The following ZNF678 variants were observed in gnomAD, a reference collection of about 807,000 sequenced individuals.
ZNF678 encodes the protein hypothetical protein MGC42493.
A neutral mutation model predicts 3.0 loss-of-function variants in ZNF678; 5 were observed. The ratio of observed to expected loss-of-function variants is 1.69; its 90% CI spans 0.88 to 3.56. ZNF678 has a LOEUF of 3.56. ZNF678 is among the 30% of genes most tolerant of loss of function. ZNF678 has a pLI of 0.00. For synonymous variants in ZNF678, 218 were observed against 199.6 expected (o/e 1.09, Z -0.78); for missense variants, 593 against 605.0 (o/e 0.98, Z 0.21).
chr1:227,567,467 G>T (rs1656720783), intron 1 of ZNF678, among the ~76,000 whole-genome samples: 2 of 152,140 alleles, frequency 1.3e-5, no homozygotes, highest in Admixed American at 6.5e-5. Context: ...CTCCTCTGCA[G>T]GTGTCCCAGC....
At chr1:227,646,996 A>G (rs61824942) in intron 2 of ZNF678, among the ~76,000 whole-genome samples, 3 of 152,156 alleles carry the variant, frequency 2.0e-5, no homozygotes, top group Non-Finnish European at 2.9e-5. Context: ...TGGAGCTGAG[A>G]ACCTATATGT....
intron 1 of ZNF678, among the ~76,000 whole-genome samples, chr1:227,619,291 C>G (rs1658215198): frequency 6.6e-6 from 1 of 152,160 alleles, no homozygotes; most frequent in Non-Finnish European, 1.5e-5. Context: ...TAAAATGTTT[C>G]TGTTGAATTG....
At chr1:227,576,353 A>G (rs1000976186) in intron 1 of ZNF678, among the ~76,000 whole-genome samples, 1 of 152,214 alleles carries the variant, frequency 6.6e-6, no homozygotes, top group African/African-American at 2.4e-5. Context: ...CATCTGGTAG[A>G]ATTCAGCTGT....
intron 1 of ZNF678, among the ~76,000 whole-genome samples, chr1:227,595,242 G>A (rs1030441187): frequency 7.3e-6 from 1 of 137,370 alleles, no homozygotes; most frequent in African/African-American, 2.8e-5. Flanking sequence ...CTTTCCTTTT[G>A]CCTCTGTCTC....
At chr1:227,612,251 G>C (rs1658038858) in intron 1 of ZNF678, among the ~76,000 whole-genome samples, 1 of 152,164 alleles carries the variant, frequency 6.6e-6, no homozygotes, top group Non-Finnish European at 1.5e-5. Flanking sequence ...ACTAGGTCAT[G>C]AGGTTGGTTC....
At position 227,654,875 on chromosome 1, in the gene ZNF678, T is replaced by C. The variant is rs376634036; in HGVS notation, c.625T>C (p.Tyr209His). 19 of 1,608,722 alleles carry C rather than the reference T, an allele frequency of 1.2e-5. No homozygotes were observed. In the Admixed American group the frequency reaches 1.2e-4, roughly 10 times the overall value. Residue 209 changes from tyrosine to histidine, a missense_variant, in exon 4 of 4, where the codon TAC becomes CAC. Physicochemically the swap from Tyr to His is moderately conservative, Grantham distance 83 (BLOSUM62 2). Transcript: ENST00000343776. ...GAAAATTCATAGTGGAGAGAAACCA[T>C]ACCCATGTGAAGAATGTGGCAAAGC... The part of the protein sequence containing the change: ...HKKIHSGEKP[Y>H]PCEECGKAFT...
At chr1:227,662,986 A>G (rs1485676965), downstream of ZNF678, among the ~76,000 whole-genome samples, 2 of 152,178 alleles carry the variant, frequency 1.3e-5, no homozygotes, top group African/African-American at 2.4e-5. Context: ...TATAGAGGTA[A>G]TTAAGGTTAA....
chr1:227,599,177 C>A, intron 1 of ZNF678: 2 of 1,165,646 alleles, frequency 1.7e-6, no homozygotes, highest in South Asian at 2.5e-5. Context: ...TTTTCTTGTT[C>A]AAATAACCTT....
At chr1:227,629,921 A>C (rs1222948394) in intron 1 of ZNF678, among the ~76,000 whole-genome samples, 3 of 151,648 alleles carry the variant, frequency 2.0e-5, no homozygotes, top group African/African-American at 7.3e-5. Flanking sequence ...CACTTGCCTG[A>C]GGGCCATGAC....
chr1:227,648,393 T>G lies in ZNF678; in HGVS notation c.-37+1723T>G, dbSNP rs567344398. ...ATTATGTATGTCCAACATAAAAATT[T>G]GATGTGTACACATTGTACTATAATT... On this transcript the variant is annotated intron_variant, in intron 2 of 3. Coordinates refer to ENST00000343776, the MANE Select transcript of ZNF678 (RefSeq NM_001367909.1). Among the ~76,000 whole-genome samples, 10 of 152,358 alleles carry G rather than the reference T, an allele frequency of 6.6e-5. No homozygotes were observed. The South Asian group carries it at 2.1e-3, about 32-fold the overall frequency.
In ZNF678 at chr1:227,565,008, C is replaced by G. The variant is rs149174402; in HGVS notation, c.-164+1284C>G. ...TTGGCCTCCCAAAGTGCTGGGATTA[C>G]AGGCGTGAGCCACCACGCCTGGCCT... On this transcript the variant is annotated intron_variant, in intron 1 of 3. Coordinates refer to ENST00000343776, the MANE Select transcript of ZNF678 (RefSeq NM_001367909.1). Among the ~76,000 whole-genome samples the G allele has an allele frequency of 8.2e-3, 1,197 of 146,778 alleles. 20 individuals are homozygous for G. The highest frequency in any genetic ancestry group is 0.028 in the African/African-American group (1,142 of 40,136).
chr1:227,584,371 C>T (rs1657206814), intron 1 of ZNF678, among the ~76,000 whole-genome samples: 1 of 152,106 alleles, frequency 6.6e-6, no homozygotes, highest in Admixed American at 6.5e-5. Flanking sequence ...CCTCTCAAAC[C>T]ATTAATATTT....
In ZNF678 at chr1:227,659,815, A is replaced by C. The variant is rs942678955; in HGVS notation, c.*3987A>C. The C allele has an allele frequency of 1.3e-5, 2 of 152,014 alleles. No homozygotes were observed. Among genetic ancestry groups the C allele is most frequent in the East Asian group, 1.9e-4 (1 of 5,190 alleles). The allele number at this position is 152,014 out of a possible 1,614,324, so 9.4% of individuals were successfully genotyped here. ...ATGTTTGAAATGCTTAATTCTAGCC[A>C]ATTAAAAATGCTTTACCTCAATAGT... On this transcript the variant is annotated 3_prime_UTR_variant, in exon 4 of 4. Transcript: ENST00000343776.
chr1:227,635,445 C>T lies in ZNF678; in HGVS notation c.-163-11099C>T, dbSNP rs12137233. The stretch of plus-strand genomic sequence containing the variant: ...GTATTTCTTTTGAATATAGGCAGTT[C>T]AGTTTTTTGTTGACTATAGCCAAAA... On this transcript the variant is annotated intron_variant, in intron 1 of 3. Coordinates refer to ENST00000343776, the MANE Select transcript of ZNF678 (RefSeq NM_001367909.1). 1.1e-4 allele frequency among the ~76,000 whole-genome samples: 17 copies of T among 151,042 alleles called. No individual in the cohort carries two copies. The East Asian group carries it at 2.9e-3, about 26-fold the overall frequency.
chr1:227,667,247 G>T (rs1659519104), downstream of ZNF678, among the ~76,000 whole-genome samples: 1 of 151,864 alleles, frequency 6.6e-6, no homozygotes, highest in African/African-American at 2.4e-5. Context: ...TGTTGCCCAG[G>T]CTGGTCTCAA....
intron 1 of ZNF678, among the ~76,000 whole-genome samples, chr1:227,627,818 GTCCTT>G (rs1658453824): frequency 6.6e-6 from 1 of 152,198 alleles, no homozygotes; most frequent in South Asian, 2.1e-4. Flanking sequence ...GCCTTTCGAA[GTCCTT>G]TTTCTACAAA....
intron 1 of ZNF678, among the ~76,000 whole-genome samples, chr1:227,611,094 A>G (rs926613365): frequency 6.6e-6 from 1 of 152,170 alleles, no homozygotes; most frequent in African/African-American, 2.4e-5. Flanking sequence ...GGTGCAGTTC[A>G]CTTTTACTTT....
chr1:227,654,237 C>T (rs1659156577), intron 3 of ZNF678, 99 bp from the exon 4 acceptor site: 1 of 959,354 alleles, frequency 1.0e-6, no homozygotes, highest in Admixed American at 3.5e-5. Context: ...ATTATGCCAT[C>T]TTGTTAATGT....
intron 5 of ZNF678, among the ~76,000 whole-genome samples, chr1:227,672,581 C>T (rs1215228236): frequency 6.6e-6 from 1 of 152,148 alleles, no homozygotes; most frequent in East Asian, 1.9e-4. Context: ...TCAGGTCGGT[C>T]TGGTTCCCTT....
Sources: allele counts gnomAD v4.1 joint callset (sites outside exome capture counted in the v4.1 genomes callset), GRCh38; gene constraint gnomAD v4.1.1; transcripts MANE v1.5; gene names NCBI Gene and HGNC (gene_info 2026-07-23, HGNC 2026-07-21).